Variants in ANKRD31 observed in about 807,000 individuals in gnomAD.
ANKRD31 encodes ankyrin repeat domain 31, also known as ankyrin repeat domain-containing protein 31.
A neutral mutation model predicts 186.0 loss-of-function variants in ANKRD31; 147 were observed. That is an observed-to-expected ratio of 0.79 (90% CI 0.69 to 0.91). The LOEUF is 0.91. ANKRD31 is among the 40% of genes least tolerant of loss of function. The pLI, the probability that ANKRD31 is intolerant of heterozygous loss-of-function variation, is 0.00. For missense variants in ANKRD31, 1,986 were observed against 2,148.8 expected (o/e 0.92, Z 1.50); for synonymous variants, 673 against 736.4 (o/e 0.91, Z 1.39).
chr5:75,136,226 G>A (rs1377563884), intron 17 of ANKRD31, among the ~76,000 whole-genome samples: 6 of 152,048 alleles, frequency 3.9e-5, no homozygotes, highest in Non-Finnish European at 7.4e-5. Flanking sequence ...GTGAACAGGT[G>A]ACCTACAGAA....
intron 17 of ANKRD31, among the ~76,000 whole-genome samples, chr5:75,126,385 T>C (rs4404660): frequency 0.51 from 76,850 of 151,990 alleles, 22,403 homozygotes; most frequent in African/African-American, 0.82. Context: ...GAGGTTGCAG[T>C]GACCAGAGAA....
intron 11 of ANKRD31, 140 bp downstream of exon 11, chr5:75,168,838 AT>A: frequency 1.2e-6 from 1 of 859,466 alleles, no homozygotes; most frequent in South Asian, 2.5e-5. Context: ...ACACAGTAAA[AT>A]TTCATTATAA....
chr5:75,073,424 GAGA>G (rs943946646), intron 25 of ANKRD31, among the ~76,000 whole-genome samples: 1 of 152,128 alleles, frequency 6.6e-6, no homozygotes. Flanking sequence ...TGTTTACACA[GAGA>G]AGATCACCAT....
At chr5:75,117,702 G>A (rs908752764) in intron 18 of ANKRD31, among the ~76,000 whole-genome samples, 2 of 151,946 alleles carry the variant, frequency 1.3e-5, no homozygotes, top group African/African-American at 4.8e-5. Context: ...TTGCTAAAAT[G>A]GTTCATAAAA....
At position 75,210,278 on chromosome 5, in the gene ANKRD31, A is replaced by C. The variant is rs917272984; in HGVS notation, c.326+550T>G. Among the ~76,000 whole-genome samples, 64 of 152,242 alleles carry C rather than the reference A, an allele frequency of 4.2e-4. 1 individual carries two copies. The highest frequency in any genetic ancestry group is 4.1e-4 in the South Asian group (2 of 4,822). On this transcript the variant is annotated intron_variant, in intron 4 of 25. Coordinates refer to ENST00000506364, the MANE Select transcript of ANKRD31 (RefSeq NM_001372053.1). The stretch of plus-strand genomic sequence containing the variant: ...AACCTCCGCTTCCCAGGCTCAAGCA[A>C]TTCTCATGCTTCAGCCTCCTGAATA...
chr5:75,077,199 G>C (rs1744712993), intron 25 of ANKRD31, among the ~76,000 whole-genome samples: 1 of 152,056 alleles, frequency 6.6e-6, no homozygotes, highest in Non-Finnish European at 1.5e-5. Flanking sequence ...CTCCCAAGTA[G>C]CTAGGACCAC....
At chr5:75,226,437 G>A (rs1288372267) in intron 2 of ANKRD31, among the ~76,000 whole-genome samples, 3 of 152,074 alleles carry the variant, frequency 2.0e-5, no homozygotes, top group Non-Finnish European at 2.9e-5. Context: ...AGCCACAGGA[G>A]TACTTTAGGT....
intron 24 of ANKRD31, among the ~76,000 whole-genome samples, chr5:75,081,957 G>T (rs964232909): frequency 2.0e-5 from 3 of 152,154 alleles, no homozygotes; most frequent in African/African-American, 7.2e-5. Flanking sequence ...CTTACCCCAT[G>T]ATTTGATTAG....
chr5:75,110,985 A>C (rs2150069192), intron 20 of ANKRD31, among the ~76,000 whole-genome samples: 1 of 151,962 alleles, frequency 6.6e-6, no homozygotes, highest in East Asian at 1.9e-4. Flanking sequence ...TTTCCTAAGA[A>C]GATAATACGT....
At position 75,147,311 on chromosome 5, in the gene ANKRD31, A is replaced by AGTTGATTGT; in HGVS notation, c.2091_2099dup (p.Gln698_Thr700dup). On this transcript the variant is annotated inframe_insertion, in exon 14 of 26. Coordinates refer to ENST00000506364, the MANE Select transcript of ANKRD31 (RefSeq NM_001372053.1). ...GTCCTGTAGAGTATATCTGGTCAAG[A>AGTTGATTGT]GTTGATTGTTTATGCTTGGATTTAC... 6.5e-7 allele frequency: 1 copy of AGTTGATTGT among 1,534,464 alleles called. No individual in the cohort carries two copies. The highest frequency in any genetic ancestry group is 8.7e-7 in the Non-Finnish European group (1 of 1,145,782).
At chr5:75,180,948 C>T (rs1273051795) in intron 10 of ANKRD31, among the ~76,000 whole-genome samples, 1 of 151,608 alleles carries the variant, frequency 6.6e-6, no homozygotes, top group Non-Finnish European at 1.5e-5. Flanking sequence ...AACAGGCAAC[C>T]TACAAAATGG....
chr5:75,140,024 T>C (rs1750894064), intron 15 of ANKRD31, among the ~76,000 whole-genome samples: 1 of 151,864 alleles, frequency 6.6e-6, no homozygotes, highest in Admixed American at 6.6e-5. Context: ...CTGATGTCCG[T>C]AATCCCAGCA....
chr5:75,207,643 T>A (rs1202423228), intron 4 of ANKRD31, among the ~76,000 whole-genome samples: 3 of 152,062 alleles, frequency 2.0e-5, no homozygotes, highest in African/African-American at 7.2e-5. Flanking sequence ...ACTTAAAATT[T>A]AAAAACAGGA....
intron 3 of ANKRD31, among the ~76,000 whole-genome samples, chr5:75,212,788 T>C (rs1466289378): frequency 6.6e-6 from 1 of 152,248 alleles, no homozygotes; most frequent in Admixed American, 6.5e-5. Flanking sequence ...TTTAATATGT[T>C]GTCAGCATCT....
chr5:75,195,266 G>A (rs1467930158), intron 7 of ANKRD31, among the ~76,000 whole-genome samples: 1 of 152,078 alleles, frequency 6.6e-6, no homozygotes, highest in East Asian at 1.9e-4. Flanking sequence ...GTGATTTTCT[G>A]AGCTAACAGA....
chr5:75,181,033 CAAA>C lies in ANKRD31; in HGVS notation c.1564+7457_1564+7459del, dbSNP rs34106464. Reference sequence around the variant, plus strand: ...TCTACAATGAACTCAAACAAATTTACAAAAAAAAAAAACAAGCAACCCCATCAA... The same window carrying C: ...TCTACAATGAACTCAAACAAATTTACAAAAAAAAACAAGCAACCCCATCAA... On this transcript the variant is annotated intron_variant, in intron 10 of 25. Transcript: ENST00000506364. Among the ~76,000 whole-genome samples the C allele has an allele frequency of 5.2e-3, 726 of 139,882 alleles. 3 individuals carry two copies. The highest frequency in any genetic ancestry group is 0.017 in the African/African-American group (684 of 40,430). 91.8% of individuals were successfully genotyped at this position (139,882 alleles called of 152,430 possible). A position where few individuals can be genotyped will look rare whatever the true frequency, so the allele number is the denominator to read the frequency against.
At chr5:75,203,662 CA>C (rs112986947) in intron 5 of ANKRD31, among the ~76,000 whole-genome samples, 44 of 99,100 alleles carry the variant, frequency 4.4e-4, no homozygotes, top group Admixed American at 1.0e-3. Context: ...GGATCCATCT[CA>C]AAAAAAAAAA....
chr5:75,116,288 T>G, intron 19 of ANKRD31, among the ~76,000 whole-genome samples: 1 of 147,406 alleles, frequency 6.8e-6, no homozygotes, highest in South Asian at 2.3e-4. Flanking sequence ...AGGGATAGCA[T>G]TGGGAGATAC....
At chr5:75,143,970 C>T (rs930136523) in intron 15 of ANKRD31, 31 bp downstream of exon 15, 3 of 396,508 alleles carry the variant, frequency 7.6e-6, no homozygotes, top group Non-Finnish European at 1.3e-5. Context: ...ATTTTGTAAA[C>T]TTTAACCTAT....
Sources: gnomAD v4.1 joint callset for allele counts (sites outside exome capture counted in the v4.1 genomes callset) on GRCh38, gnomAD v4.1.1 for gene constraint, MANE v1.5 for transcripts, NCBI Gene and HGNC (gene_info 2026-07-23, HGNC 2026-07-21) for gene names.